Variants in MAP4K5 observed in about 807,000 individuals in gnomAD.
MAP4K5 encodes the protein MAPK/ERK kinase kinase kinase 5.
Under a neutral mutation model 135.6 loss-of-function variants are expected in MAP4K5, and 82 were observed. The observed-to-expected ratio is 0.60, with a 90% CI of 0.51 to 0.73. The LOEUF is 0.73. Ranked by LOEUF, MAP4K5 falls within the 30% of genes least tolerant of loss-of-function variation. The pLI is 0.00. For synonymous variants in MAP4K5, 347 were observed against 335.0 expected, an observed-to-expected ratio of 1.04 and a Z score of -0.39; for missense variants, 907 against 1,010.9, an observed-to-expected ratio of 0.90 and a Z score of 1.39.
chr14:50,440,015 G>T lies in MAP4K5; in HGVS notation c.1703C>A (p.Ser568Ter). 6.5e-7 allele frequency: 1 copy of T among 1,546,266 alleles called. No homozygotes were observed. The highest frequency in any genetic ancestry group is 2.3e-5 in the East Asian group (1 of 43,272). ...ATTTTTCATCATCACATACATACCT[G>T]ATAATGACATTAAAGTATTATTGAT... ...YVINNTLMSLSEGKTFQLYSH... is the reference protein window; with the variant it reads ...YVINNTLMSL The change falls in exon 23 of 33, where the codon TCA becomes TAA. Residue 568 changes from serine (S) to a stop codon, truncating the protein, a stop_gained and splice_region_variant. Transcript: ENST00000682126. LOFTEE classifies it high-confidence loss of function.
At chr14:50,473,172 T>C (rs1330599838) in intron 9 of MAP4K5, among the ~76,000 whole-genome samples, 2 of 152,350 alleles carry the variant, frequency 1.3e-5, no homozygotes, top group East Asian at 1.9e-4. Flanking sequence ...AAGATTTTTA[T>C]GTAGTTTTTT....
intron 3 of MAP4K5, among the ~76,000 whole-genome samples, chr14:50,494,107 A>C (rs941384542): frequency 5.8e-4 from 89 of 152,192 alleles, no homozygotes; most frequent in African/African-American, 2.0e-3. Context: ...AAGATGACAC[A>C]AATAAGTGGA....
intron 6 of MAP4K5, among the ~76,000 whole-genome samples, chr14:50,478,889 C>T (rs2037168258): frequency 6.6e-6 from 1 of 152,052 alleles, no homozygotes; most frequent in Admixed American, 6.6e-5. Context: ...TTATTTCTAA[C>T]AATAAATATT....
rs537649461 is a variant in MAP4K5, at chr14:50,507,006, A to C, written c.109-2149T>G. 2.6e-5 allele frequency among the ~76,000 whole-genome samples: 4 copies of C among 152,310 alleles called. No homozygotes were observed. The East Asian group carries it at 7.7e-4, about 29-fold the overall frequency. On this transcript the variant is annotated intron_variant, in intron 2 of 32. Transcript: ENST00000682126. ...CCTGTCCACCTCTCAGCCAATTCAC[A>C]TGCCAGTGAGACTCAGGTATAAAAA...
At position 50,559,159 on chromosome 14, in the gene MAP4K5, T is replaced by C. The variant is rs1296584687; in HGVS notation, c.-180+1881A>G. The C allele has an allele frequency of 2.0e-5, 3 of 152,162 alleles. No individual in the cohort carries two copies. The East Asian group carries it at 5.8e-4, about 29-fold the overall frequency. 9.4% of individuals were successfully genotyped at this position (152,162 alleles called of 1,614,324 possible). On this transcript the variant is annotated intron_variant, in intron 1 of 8. Transcript: ENST00000555216. Reference sequence around the variant, plus strand: ...TCTGAAGCCATCATAGTAAATTACATTGAGAGAGTGTAGCGTGAGGAGTTG... The same window carrying C: ...TCTGAAGCCATCATAGTAAATTACACTGAGAGAGTGTAGCGTGAGGAGTTG...
intron 2 of MAP4K5, among the ~76,000 whole-genome samples, chr14:50,530,313 G>A (rs1303655961): frequency 6.6e-5 from 10 of 152,184 alleles, no homozygotes; most frequent in Admixed American, 2.0e-4. Flanking sequence ...TCTCAGGCAT[G>A]AATAAAATCC....
chr14:50,502,329 A>G (rs1179078866), intron 3 of MAP4K5, among the ~76,000 whole-genome samples: 1 of 152,190 alleles, frequency 6.6e-6, no homozygotes, highest in Admixed American at 6.5e-5. Flanking sequence ...AAAAACCACG[A>G]AAAACATTTG....
intron 1 of MAP4K5, among the ~76,000 whole-genome samples, chr14:50,558,019 G>A (rs998590807): frequency 6.6e-6 from 1 of 152,192 alleles, no homozygotes; most frequent in African/African-American, 2.4e-5. Flanking sequence ...GAATGGTGAT[G>A]CATAGCACAA....
intron 2 of MAP4K5, among the ~76,000 whole-genome samples, chr14:50,525,865 T>C (rs1164911045): frequency 6.6e-6 from 1 of 151,974 alleles, no homozygotes; most frequent in South Asian, 2.1e-4. Flanking sequence ...AATAAATAAT[T>C]GAAAAGGTCC....
upstream of MAP4K5, among the ~76,000 whole-genome samples, chr14:50,535,987 T>A (rs1313721387): frequency 6.6e-6 from 1 of 152,258 alleles, no homozygotes; most frequent in Non-Finnish European, 1.5e-5. Context: ...CTCCCTCTCT[T>A]TGCCTGCTGC....
chr14:50,494,498 CAA>C (rs1303226169), intron 3 of MAP4K5, among the ~76,000 whole-genome samples: 1 of 151,934 alleles, frequency 6.6e-6, no homozygotes, highest in Non-Finnish European at 1.5e-5. Flanking sequence ...CAATACTACC[CAA>C]AGTGATATAA....
At chr14:50,539,203 A>G (rs2038531214) in intron 2 of MAP4K5, among the ~76,000 whole-genome samples, 1 of 152,228 alleles carries the variant, frequency 6.6e-6, no homozygotes. Context: ...GAGTGGCATC[A>G]CAATTACTCA....
At chr14:50,448,961 T>C in intron 14 of MAP4K5, 129 bp from the exon 15 acceptor site, 1 of 635,496 alleles carries the variant, frequency 1.6e-6, no homozygotes, top group Non-Finnish European at 2.8e-6. Context: ...AAAAATATGT[T>C]ATTTTTTGAC....
At chr14:50,488,070 T>A (rs2139941941) in intron 3 of MAP4K5, among the ~76,000 whole-genome samples, 1 of 152,230 alleles carries the variant, frequency 6.6e-6, no homozygotes, top group Middle Eastern at 3.4e-3. Flanking sequence ...GGGTAATTTA[T>A]AAAGAAAAGA....
At chr14:50,438,037 G>A in intron 24 of MAP4K5, 29 bp from the exon 25 acceptor site, 2 of 1,207,298 alleles carry the variant, frequency 1.7e-6, no homozygotes, top group Non-Finnish European at 2.5e-6. Context: ...TTACCTTTTT[G>A]AGAATCATTT....
chr14:50,482,042 C>A (rs1047391221), intron 6 of MAP4K5, among the ~76,000 whole-genome samples: 14 of 152,198 alleles, frequency 9.2e-5, no homozygotes. Flanking sequence ...CCAATTTACA[C>A]AACTGAGGGC....
chr14:50,501,506 A>C (rs1358278089), intron 3 of MAP4K5, among the ~76,000 whole-genome samples: 4 of 152,170 alleles, frequency 2.6e-5, no homozygotes, highest in Non-Finnish European at 5.9e-5. Flanking sequence ...AATAGTGGAC[A>C]GATTCACATA....
chr14:50,471,182 C>T (rs893946142), intron 9 of MAP4K5, among the ~76,000 whole-genome samples: 1 of 152,160 alleles, frequency 6.6e-6, no homozygotes, highest in Non-Finnish European at 1.5e-5. Flanking sequence ...TCCCTAACCC[C>T]TGTTGTACCA....
chr14:50,517,898 A>T (rs1369359883), intron 2 of MAP4K5, among the ~76,000 whole-genome samples: 1 of 152,252 alleles, frequency 6.6e-6, no homozygotes, highest in Non-Finnish European at 1.5e-5. Context: ...ATTTTGGGAA[A>T]AAGAAAGGCT....
Sources: gnomAD v4.1 joint callset for allele counts (sites outside exome capture counted in the v4.1 genomes callset) on GRCh38, gnomAD v4.1.1 for gene constraint, MANE v1.5 for transcripts, NCBI Gene and HGNC (gene_info 2026-07-23, HGNC 2026-07-21) for gene names.